The following HSPE1 variants were observed in gnomAD, a reference collection of about 807,000 sequenced individuals.
The protein encoded by HSPE1 is heat shock protein family E (Hsp10) member 1, also known as 10 kDa heat shock protein, mitochondrial.
HSPE1 carries 1 observed loss-of-function variant against 13.2 expected under a neutral mutation model. The observed-to-expected ratio is 0.08, with a 90% CI of 0.03 to 0.36. The LOEUF is 0.36. Ranked by LOEUF, HSPE1 falls within the 10% of genes least tolerant of loss-of-function variation. The pLI is 0.99. For missense variants in HSPE1, 73 were observed against 118.7 expected (o/e 0.62, Z 1.79); for synonymous variants, 44 against 42.0 (o/e 1.05, Z -0.19).
chr2:197,502,942 A>G, intron 2 of HSPE1, 97 bp from the exon 3 acceptor site: 1 of 692,174 alleles, frequency 1.4e-6, no homozygotes. Flanking sequence ...ATTGGATTTG[A>G]GTGACCATGT....
intron 2 of HSPE1, 108 bp downstream of exon 2, chr2:197,501,346 C>G: frequency 7.8e-7 from 1 of 1,274,400 alleles, no homozygotes; most frequent in East Asian, 2.6e-5. Context: ...ATGTCGTTTT[C>G]AAGATCATTA....
rs1304916842 is a variant in HSPE1, at chr2:197,503,020, A to G, written c.169-19A>G. 1 of 1,443,580 alleles carries G rather than the reference A, an allele frequency of 6.9e-7. No individual in the cohort carries two copies. Among genetic ancestry groups the G allele is most frequent in the South Asian group, 1.1e-5 (1 of 86,992 alleles). The allele number at this position is 1,443,580 out of a possible 1,614,324, so 89.4% of individuals were successfully genotyped here. On this transcript the variant is annotated intron_variant, in intron 2 of 3. Coordinates refer to ENST00000233893, the MANE Select transcript of HSPE1 (RefSeq NM_002157.3). The stretch of plus-strand genomic sequence containing the variant: ...GTGAACTAGATATCTTTGCTAATAA[A>G]CATCCTTCCTTTTTTAAGGGTGGAG...
chr2:197,502,981 A>G (rs2086274699), intron 2 of HSPE1, 58 bp from the exon 3 acceptor site: 2 of 879,146 alleles, frequency 2.3e-6, no homozygotes, highest in South Asian at 2.8e-5. Flanking sequence ...TTAAAAGTTA[A>G]CTGTTTATGT....
intron 2 of HSPE1, among the ~76,000 whole-genome samples, chr2:197,502,315 C>T (rs1347314003): frequency 6.6e-6 from 1 of 152,190 alleles, no homozygotes; most frequent in Non-Finnish European, 1.5e-5. Context: ...ACAGTTCTTC[C>T]AGTGTGGCCC....
Position 197,503,109 on chromosome 2 carries a change from A to G in HSPE1, c.239A>G (p.Lys80Arg). The change falls in exon 3 of 4, where the codon AAA becomes AGA. Residue 80 changes from lysine (K) to arginine (R), a missense_variant. Transcript: ENST00000233893. The part of the protein sequence containing the change: ...KVLLPEYGGT[K>R]VVLDDKDYFL... Reference sequence around the variant, plus strand: ...CTTCTCCCAGAATATGGAGGCACCAAAGTAGTTCTAGATGACAAGGTGTGT... The same window carrying G: ...CTTCTCCCAGAATATGGAGGCACCAGAGTAGTTCTAGATGACAAGGTGTGT... 4.4e-6 allele frequency: 7 copies of G among 1,605,658 alleles called. No homozygotes were observed. Among genetic ancestry groups the G allele is most frequent in the Non-Finnish European group, 6.0e-6 (7 of 1,173,050 alleles).
chr2:197,501,048 G>C lies in HSPE1; in HGVS notation c.4-26G>C, dbSNP rs750112711. The stretch of plus-strand genomic sequence containing the variant: ...GATAATGTGATTACATTTAGTTTTT[G>C]TTTCAAAACATTTCTCTTCCTACAG... On this transcript the variant is annotated intron_variant, in intron 1 of 3. Transcript: ENST00000233893. 34 of 1,606,182 alleles carry C rather than the reference G, an allele frequency of 2.1e-5. No individual in the cohort carries two copies. The South Asian group carries it at 3.7e-4, about 17-fold the overall frequency.
intron 2 of HSPE1, 116 bp from the exon 3 acceptor site, chr2:197,502,920 ATTT>A: frequency 1.5e-6 from 1 of 654,342 alleles, no homozygotes; most frequent in Non-Finnish European, 2.7e-6. Flanking sequence ...CACGAAATAT[ATTT>A]TTAATATAAT....
chr2:197,502,964 T>C, intron 2 of HSPE1, 75 bp from the exon 3 acceptor site: 1 of 761,696 alleles, frequency 1.3e-6, no homozygotes, highest in East Asian at 2.4e-5. Context: ...TCATTAGTTG[T>C]AGTGATTTAA....
chr2:197,502,997 G>T, intron 2 of HSPE1, 42 bp from the exon 3 acceptor site: 1 of 1,061,672 alleles, frequency 9.4e-7, no homozygotes, highest in Non-Finnish European at 1.4e-6. Context: ...TATGTTGGGT[G>T]AACTAGATAT....
chr2:197,502,222 C>T (rs1433574430), intron 2 of HSPE1, among the ~76,000 whole-genome samples: 1 of 152,190 alleles, frequency 6.6e-6, no homozygotes, highest in Non-Finnish European at 1.5e-5. Context: ...CCTAAACTTT[C>T]TTAAAACCTG....
chr2:197,501,879 C>T (rs1228120331), intron 2 of HSPE1, among the ~76,000 whole-genome samples: 2 of 152,010 alleles, frequency 1.3e-5, no homozygotes, highest in African/African-American at 4.8e-5. Context: ...CGTGGTGGCT[C>T]ACACCTGTAA....
Position 197,501,253 on chromosome 2 carries a change from CAGTGGAACTATTTTTTAT to C in HSPE1, c.168+20_168+37del. 1.3e-6 allele frequency: 2 copies of C among 1,598,090 alleles called. No homozygotes were observed. The highest frequency in any genetic ancestry group is 1.7e-6 in the Non-Finnish European group (2 of 1,170,914). On this transcript the variant is annotated intron_variant, in intron 2 of 3. Coordinates refer to ENST00000233893, the MANE Select transcript of HSPE1 (RefSeq NM_002157.3). ...CTAAAGGAAAGGTAAATGGGAGCTG[CAGTGGAACTATTTTTTAT>C]AGTGTGCAGTGGAGGGAAAAGAAGT...
At chr2:197,500,588 C>G (rs959328607) in intron 1 of HSPE1, 149 bp downstream of exon 1, 1 of 1,208,506 alleles carries the variant, frequency 8.3e-7, no homozygotes, top group African/African-American at 1.5e-5. Context: ...GCGGCAAGGC[C>G]CGCCCGACCC....
intron 2 of HSPE1, among the ~76,000 whole-genome samples, chr2:197,502,428 G>T (rs559874032): frequency 7.2e-5 from 11 of 152,254 alleles, no homozygotes; most frequent in African/African-American, 2.6e-4. Flanking sequence ...AGTAAACGCC[G>T]TTGGGGCCAA....
intron 2 of HSPE1, 43 bp from the exon 3 acceptor site, chr2:197,502,996 T>G: frequency 9.6e-7 from 1 of 1,045,108 alleles, no homozygotes; most frequent in Non-Finnish European, 1.5e-6. Context: ...TTATGTTGGG[T>G]GAACTAGATA....
chr2:197,502,421 A>C (rs2086268731), intron 2 of HSPE1, among the ~76,000 whole-genome samples: 1 of 152,204 alleles, frequency 6.6e-6, no homozygotes, highest in South Asian at 2.1e-4. Flanking sequence ...AATACACAGT[A>C]AACGCCGTTG....
chr2:197,501,244 T>C lies in HSPE1; in HGVS notation c.168+6T>C, dbSNP rs375552499. Reference sequence around the variant, plus strand: ...GATCGGGTTCTAAAGGAAAGGTAAATGGGAGCTGCAGTGGAACTATTTTTT... The same window carrying C: ...GATCGGGTTCTAAAGGAAAGGTAAACGGGAGCTGCAGTGGAACTATTTTTT... On this transcript the variant is annotated splice_donor_region_variant and intron_variant, in intron 2 of 3. Transcript: ENST00000233893. The C allele has an allele frequency of 1.7e-5, 28 of 1,606,272 alleles. No homozygotes were observed. The African/African-American group carries it at 3.7e-4, about 22-fold the overall frequency.
At position 197,501,093 on chromosome 2, in the gene HSPE1, A is replaced by C; in HGVS notation, c.23A>C (p.Lys8Thr). 6.2e-7 allele frequency: 1 copy of C among 1,613,638 alleles called. No homozygotes were observed. Among genetic ancestry groups the C allele is most frequent in the Non-Finnish European group, 8.5e-7 (1 of 1,179,770 alleles). The part of the protein sequence containing the change: MAGQAFR[K>T]FLPLFDRVLV... Reference sequence around the variant, plus strand: ...CTACAGGCAGGACAAGCGTTTAGAAAGTTTCTTCCACTCTTTGACCGAGTA... The same window carrying C: ...CTACAGGCAGGACAAGCGTTTAGAACGTTTCTTCCACTCTTTGACCGAGTA... The change falls in exon 2 of 4, where the codon AAG becomes ACG. Residue 8 changes from lysine (K) to threonine (T), a missense_variant. Lys to Thr is a moderately conservative substitution (Grantham distance 78, BLOSUM62 -1). Transcript: ENST00000233893.
At chr2:197,501,899 T>A (rs1047213414) in intron 2 of HSPE1, among the ~76,000 whole-genome samples, 4 of 152,190 alleles carry the variant, frequency 2.6e-5, no homozygotes, top group Non-Finnish European at 5.9e-5. Flanking sequence ...ATCCTTGCAT[T>A]TTGGGAGGCC....
Sources: gnomAD v4.1 joint callset for allele counts (sites outside exome capture counted in the v4.1 genomes callset) on GRCh38, gnomAD v4.1.1 for gene constraint, MANE v1.5 for transcripts, NCBI Gene and HGNC (gene_info 2026-07-23, HGNC 2026-07-21) for gene names.